The following PCDHGB6 variants were observed in gnomAD, a reference collection of about 807,000 sequenced individuals.
PCDHGB6 encodes the protein protocadherin gamma subfamily B, 6.
A neutral mutation model predicts 59.1 loss-of-function variants in PCDHGB6; 51 were observed. The observed-to-expected ratio is 0.86, with a 90% CI of 0.69 to 1.09. The LOEUF (loss-of-function observed/expected upper bound fraction) is 1.09. PCDHGB6 is among the 50% of genes least tolerant of loss of function. PCDHGB6 has a pLI of 0.00. For missense variants in PCDHGB6, 1,148 were observed against 1,205.1 expected, an observed-to-expected ratio of 0.95 and a Z score of 0.70; for synonymous variants, 466 against 495.1, an observed-to-expected ratio of 0.94 and a Z score of 0.78.
rs573580017 is a variant in PCDHGB6, at chr5:141,484,867, G to T, written c.2419-9940G>T. 33 of 282,678 alleles carry T rather than the reference G, an allele frequency of 1.2e-4. No individual in the cohort carries two copies. The South Asian group carries it at 1.6e-3, about 14-fold the overall frequency. The allele number at this position is 282,678 out of a possible 1,614,324, so 17.5% of individuals were successfully genotyped here. On this transcript the variant is annotated intron_variant, in intron 1 of 3. Transcript: ENST00000520790. ...TGGGTTTTTTGGGGGGTGGGGGAGC[G>T]TGGAGGATAGGGTGGGCTTTTTCCC...
chr5:141,447,738 A>C (rs1365302023), intron 1 of PCDHGB6, among the ~76,000 whole-genome samples: 7 of 152,216 alleles, frequency 4.6e-5, no homozygotes, highest in Non-Finnish European at 8.8e-5. Context: ...ATTGAACTTA[A>C]GAGTCTTGCA....
intron 1 of PCDHGB6, among the ~76,000 whole-genome samples, chr5:141,451,364 C>T (rs970149151): frequency 3.9e-5 from 6 of 152,078 alleles, no homozygotes; most frequent in Middle Eastern, 3.2e-3. Context: ...AGGATGGATC[C>T]GCTTCTAATC....
chr5:141,419,145 A>T, intron 1 of PCDHGB6: 1 of 1,613,940 alleles, frequency 6.2e-7, no homozygotes, highest in Non-Finnish European at 8.5e-7. Flanking sequence ...GACAGGGGCA[A>T]GCCTCCGTTA....
Position 141,491,205 on chromosome 5 carries a change from A to G in PCDHGB6, c.2419-3602A>G, listed in dbSNP as rs2233609. 2,395 of 1,613,578 alleles carry G rather than the reference A, an allele frequency of 1.5e-3. 36 individuals are homozygous for G. The African/African-American group carries it at 0.028, about 19-fold the overall frequency. On this transcript the variant is annotated intron_variant, in intron 1 of 3. Coordinates refer to ENST00000520790, the MANE Select transcript of PCDHGB6 (RefSeq NM_018926.3). This position sits in a 1 kb window ranked among gnomAD's most constrained non-coding sequence, Gnocchi z 6.9. The stretch of plus-strand genomic sequence containing the variant: ...TGGTGAGGGACAATGGTGACCCTTC[A>G]CTCTCCTCCACAGCCACAGTGCTGC...
chr5:141,480,457 G>GT (rs1309116577), intron 1 of PCDHGB6, among the ~76,000 whole-genome samples: 4 of 152,060 alleles, frequency 2.6e-5, no homozygotes, highest in Non-Finnish European at 5.9e-5. Flanking sequence ...ATTTTTATTA[G>GT]TTCCTCACTC....
At chr5:141,482,116 T>C (rs1017195289) in intron 1 of PCDHGB6, among the ~76,000 whole-genome samples, 4 of 150,222 alleles carry the variant, frequency 2.7e-5, no homozygotes, top group South Asian at 2.1e-4. Context: ...TATCTAGAGA[T>C]GGGAGAATCA....
At chr5:141,506,865 G>T (rs1403350484) in intron 3 of PCDHGB6, among the ~76,000 whole-genome samples, 1 of 152,186 alleles carries the variant, frequency 6.6e-6, no homozygotes, top group African/African-American at 2.4e-5. Flanking sequence ...GGACTGGTGG[G>T]TAGAGAACCA....
Position 141,487,106 on chromosome 5 carries a change from A to G in PCDHGB6, c.2419-7701A>G, listed in dbSNP as rs777727830. ...TGACCTCCCACCACAGAAGCTGGTC[A>G]TTGTGGTAAAGGATAGTGGTAGTCC... On this transcript the variant is annotated intron_variant, in intron 1 of 3. Transcript: ENST00000520790. The surrounding 1 kb of genome is among the most constrained non-coding windows in gnomAD (Gnocchi z 5.0). 1 of 1,613,902 alleles carries G rather than the reference A, an allele frequency of 6.2e-7. No individual in the cohort carries two copies. The highest frequency in any genetic ancestry group is 1.3e-5 in the African/African-American group (1 of 75,028).
intron 1 of PCDHGB6, chr5:141,441,116 C>G (rs1358636787): frequency 3.3e-5 from 5 of 152,156 alleles, no homozygotes; most frequent in Non-Finnish European, 7.3e-5. Context: ...GTCCAGTGTA[C>G]AGTTGAGACC....
At chr5:141,498,881 T>C (rs9686648) in intron 2 of PCDHGB6, among the ~76,000 whole-genome samples, 77,838 of 149,554 alleles carry the variant, frequency 0.52, 20,828 homozygotes, top group African/African-American at 0.65. Flanking sequence ...TGCAGTGAGC[T>C]GAGATCACAC....
intron 3 of PCDHGB6, among the ~76,000 whole-genome samples, chr5:141,507,805 G>C (rs2099863746): frequency 6.6e-6 from 1 of 152,204 alleles, no homozygotes; most frequent in Non-Finnish European, 1.5e-5. Flanking sequence ...TGCGCCCTGG[G>C]GAACGGACCC....
chr5:141,490,399 C>T lies in PCDHGB6; in HGVS notation c.2419-4408C>T. The T allele has an allele frequency of 1.2e-6, 2 of 1,614,148 alleles. No homozygotes were observed. Among genetic ancestry groups the T allele is most frequent in the Non-Finnish European group, 1.7e-6 (2 of 1,180,016 alleles). On this transcript the variant is annotated intron_variant, in intron 1 of 3. Transcript: ENST00000520790. This position sits in a 1 kb window ranked among gnomAD's most constrained non-coding sequence, Gnocchi z 5.4. ...CTCAGGTAGAAATGGTGAAGTGAGC[C>T]TTGATATCTCTCCGGACCTGCCATT... is the stretch of plus-strand genomic sequence containing the variant.
chr5:141,498,616 G>T (rs1202866176), intron 2 of PCDHGB6, among the ~76,000 whole-genome samples: 1 of 152,138 alleles, frequency 6.6e-6, no homozygotes, highest in East Asian at 1.9e-4. Flanking sequence ...AGTCAGCACT[G>T]GGTCACACTG....
Position 141,423,752 on chromosome 5 carries a change from G to A in PCDHGB6, c.2418+13132G>A, listed in dbSNP as rs749899386. 4.7e-6 allele frequency: 3 copies of A among 644,956 alleles called. 1 individual carries two copies. The highest frequency in any genetic ancestry group is 1.1e-4 in the South Asian group (2 of 17,914). 40.0% of individuals were successfully genotyped at this position (644,956 alleles called of 1,614,324 possible). ...TTGAGCCTGTTATGAAAACTGTTTGGGGGGGGGGTGGGGCGGCATATATTT... is the reference window on the plus strand; with the variant it reads ...TTGAGCCTGTTATGAAAACTGTTTGAGGGGGGGGTGGGGCGGCATATATTT... On this transcript the variant is annotated intron_variant, in intron 1 of 3. Transcript: ENST00000520790.
rs2095085203 is a variant in PCDHGB6 at position 141,408,329 on chromosome 5, A to C, written c.127A>C (p.Lys43Gln). 6.2e-7 allele frequency: 1 copy of C among 1,613,580 alleles called. No individual in the cohort carries two copies. Among genetic ancestry groups the C allele is most frequent in the Non-Finnish European group, 8.5e-7 (1 of 1,179,734 alleles). The change falls in exon 1 of 4, where the codon AAG becomes CAG. Residue 43 changes from lysine (K) to glutamine (Q), a missense_variant. Physicochemically the swap from Lys to Gln is moderately conservative, Grantham distance 53. Around this residue, in one of 5 missense-constraint regions of PCDHGB6, gnomAD observed 307 missense variants for 323.8 expected, o/e 0.95. Coordinates refer to ENST00000520790, the MANE Select transcript of PCDHGB6 (RefSeq NM_018926.3). ...IRYSIPEELA[K>Q]GSVVGNLAKD... The stretch of plus-strand genomic sequence containing the variant: ...CTACTCGATTCCGGAGGAGCTGGCC[A>C]AGGGCTCGGTGGTGGGGAACCTCGC...
chr5:141,457,959 T>C (rs1426112930), intron 1 of PCDHGB6, among the ~76,000 whole-genome samples: 3 of 152,208 alleles, frequency 2.0e-5, no homozygotes, highest in Admixed American at 2.0e-4. Flanking sequence ...CAAGCTTGAT[T>C]CCTTAAAGGG....
rs1001912556 is a variant in PCDHGB6, at chr5:141,493,404, CTCTGCTGGGATTTTGCT to C, written c.2419-1391_2419-1375del. Among the ~76,000 whole-genome samples, 10 of 152,266 alleles carry C rather than the reference CTCTGCTGGGATTTTGCT, an allele frequency of 6.6e-5. No individual in the cohort carries two copies. Among genetic ancestry groups the C allele is most frequent in the Admixed American group, 6.5e-4 (10 of 15,298 alleles). On this transcript the variant is annotated intron_variant, in intron 1 of 3. Coordinates refer to ENST00000520790, the MANE Select transcript of PCDHGB6 (RefSeq NM_018926.3). The surrounding 1 kb of genome is among the most constrained non-coding windows in gnomAD (Gnocchi z 4.3). ...CTTGAGGACAGGAGAGGGGAGTTGCCTCTGCTGGGATTTTGCTTCTGCTGGGATGGGGCAAGGGTGGG... is the reference window on the plus strand; with the variant it reads ...CTTGAGGACAGGAGAGGGGAGTTGCCTCTGCTGGGATGGGGCAAGGGTGGG...
chr5:141,414,620 A>G, intron 1 of PCDHGB6: 4 of 1,613,938 alleles, frequency 2.5e-6, no homozygotes, highest in Non-Finnish European at 3.4e-6. Flanking sequence ...ACAGCGCTGG[A>G]CCCGGACAGC....
At chr5:141,478,174 GA>G (rs1156842877) in intron 1 of PCDHGB6, 1 of 1,613,574 alleles carries the variant, frequency 6.2e-7, no homozygotes, top group East Asian at 2.2e-5. Context: ...CCCGGGAGCA[GA>G]AAAAAAATCT....
Sources: allele counts gnomAD v4.1 joint callset (sites outside exome capture counted in the v4.1 genomes callset), GRCh38; gene constraint gnomAD v4.1.1; regional missense constraint gnomAD v4.1.1; non-coding constraint Gnocchi (gnomAD v3.1); transcripts MANE v1.5; gene names NCBI Gene and HGNC (gene_info 2026-07-23, HGNC 2026-07-21).